Variants in BPHL observed in about 807,000 individuals in gnomAD.
The protein encoded by BPHL is biphenyl hydrolase like.
BPHL carries 27 observed loss-of-function variants against 31.2 expected under a neutral mutation model. The observed-to-expected ratio is 0.87, with a 90% CI of 0.64 to 1.19. The LOEUF (loss-of-function observed/expected upper bound fraction) is 1.19. Ranked by LOEUF, BPHL falls within the 50% of genes most tolerant of loss-of-function variation. The pLI, the probability that BPHL is intolerant of heterozygous loss-of-function variation, is 0.00. For missense variants in BPHL, 356 were observed against 375.7 expected (o/e 0.95, Z 0.43); for synonymous variants, 150 against 146.8 (o/e 1.02, Z -0.16).
chr6:3,151,622 T>C (rs776435049), intron 6 of BPHL, among the ~76,000 whole-genome samples: 2 of 152,234 alleles, frequency 1.3e-5, no homozygotes, highest in Admixed American at 1.3e-4. Context: ...TGCCCTAATA[T>C]TGTCCTTTTA....
At chr6:3,151,218 G>A (rs551201627) in intron 6 of BPHL, among the ~76,000 whole-genome samples, 1 of 152,070 alleles carries the variant, frequency 6.6e-6, no homozygotes, top group East Asian at 1.9e-4. Flanking sequence ...TTGGCAATTC[G>A]TTCTTTCCTG....
chr6:3,146,200 G>T lies in BPHL; in HGVS notation c.788+5691G>T, dbSNP rs865781476. On this transcript the variant is annotated intron_variant, in intron 6 of 6. Transcript: ENST00000380379. ...GTTCGGGGTGGAGTGCTGGTTCGGG[G>T]TGGAGTGCTGGTGTGGGTTGGAGTG... Among the ~76,000 whole-genome samples, 6 of 35,276 alleles carry T rather than the reference G, an allele frequency of 1.7e-4. 1 individual carries two copies. Among genetic ancestry groups the T allele is most frequent in the African/African-American group, 2.1e-4 (1 of 4,682 alleles). 23.1% of individuals were successfully genotyped at this position (35,276 alleles called of 152,430 possible).
At chr6:3,150,573 AG>A (rs1363776264) in intron 6 of BPHL, among the ~76,000 whole-genome samples, 1 of 152,212 alleles carries the variant, frequency 6.6e-6, no homozygotes, top group Non-Finnish European at 1.5e-5. Context: ...CCATGTGCTT[AG>A]CAGTTGGGGG....
At position 3,127,296 on chromosome 6, in the gene BPHL, T is replaced by C. The variant is rs1276530745; in HGVS notation, c.266T>C (p.Phe89Ser). Reference sequence around the variant, plus strand: ...CTCAAGAACCTCAATAAGAAGCTCTTCACGGTGGTCGCCTGGGATCCTCGA... The same window carrying C: ...CTCAAGAACCTCAATAAGAAGCTCTCCACGGTGGTCGCCTGGGATCCTCGA... The part of the protein sequence containing the change: ...PQLKNLNKKL[F>S]TVVAWDPRGY... Residue 89 changes from phenylalanine to serine, a missense_variant, in exon 3 of 7, where the codon TTC becomes TCC. Phe to Ser is a radical substitution (Grantham distance 155, BLOSUM62 -2). Transcript: ENST00000380379. 1.2e-6 allele frequency: 2 copies of C among 1,607,040 alleles called. No homozygotes were observed. Among genetic ancestry groups the C allele is most frequent in the African/African-American group, 2.7e-5 (2 of 74,626 alleles).
chr6:3,130,218 T>C (rs1296807696), intron 4 of BPHL, among the ~76,000 whole-genome samples: 1 of 152,214 alleles, frequency 6.6e-6, no homozygotes, highest in African/African-American at 2.4e-5. Flanking sequence ...TGGCTAGTGC[T>C]GTGAGTCACA....
intron 1 of BPHL, among the ~76,000 whole-genome samples, chr6:3,120,314 C>T (rs1013398675): frequency 2.6e-5 from 4 of 152,088 alleles, no homozygotes; most frequent in Non-Finnish European, 4.4e-5. Flanking sequence ...GGATTACAGG[C>T]GTGAGCCACC....
chr6:3,147,726 G>A (rs1320443180), intron 6 of BPHL, among the ~76,000 whole-genome samples: 1 of 152,164 alleles, frequency 6.6e-6, no homozygotes, highest in South Asian at 2.1e-4. Context: ...AAGTCCCAAG[G>A]TCTGCAGAGT....
At chr6:3,133,577 C>G (rs527394966) in intron 4 of BPHL, among the ~76,000 whole-genome samples, 171 of 152,234 alleles carry the variant, frequency 1.1e-3, no homozygotes, top group South Asian at 0.011. Flanking sequence ...TCCAGCCATC[C>G]GAGACCACCT....
In BPHL at chr6:3,127,318, T is replaced by G; in HGVS notation, c.288T>G (p.Pro96=). Reference sequence around the variant, plus strand: ...TCTTCACGGTGGTCGCCTGGGATCCTCGAGGCTATGGACATTCCAGGCCCC... The same window carrying G: ...TCTTCACGGTGGTCGCCTGGGATCCGCGAGGCTATGGACATTCCAGGCCCC... ...KKLFTVVAWD[P]RGYGHSRPPD... is the part of the protein sequence containing the mutation. The change falls in exon 3 of 7, where the codon CCT becomes CCG. Residue 96 remains proline (P), a synonymous_variant. Coordinates refer to ENST00000380379, the MANE Select transcript of BPHL (RefSeq NM_004332.4). 3.3e-6 allele frequency: 5 copies of G among 1,519,614 alleles called. No homozygotes were observed. The South Asian group carries it at 6.0e-5, about 18-fold the overall frequency. 94.1% of individuals were successfully genotyped at this position (1,519,614 alleles called of 1,614,324 possible).
At position 3,137,499 on chromosome 6, in the gene BPHL, T is replaced by C. The variant is rs1001825004; in HGVS notation, c.664+6T>C. On this transcript the variant is annotated splice_donor_region_variant and intron_variant, in intron 5 of 6. Transcript: ENST00000380379. ...GTTTAAACATCTCCCAGATGGTAGG[T>C]TACTGGGCTTGAAGGGCTCTCTGCC... is the stretch of plus-strand genomic sequence containing the variant. The C allele has an allele frequency of 3.7e-6, 6 of 1,613,630 alleles. No homozygotes were observed. In the African/African-American group the frequency reaches 8.0e-5, roughly 22 times the overall value.
rs777052963 is a variant in BPHL at position 3,140,338 on chromosome 6, G to A, written c.665-48G>A. The A allele has an allele frequency of 1.4e-5, 22 of 1,610,262 alleles. No individual in the cohort carries two copies. The highest frequency in any genetic ancestry group is 8.9e-5 in the East Asian group (4 of 44,704). On this transcript the variant is annotated intron_variant, in intron 5 of 6. Transcript: ENST00000380379. The surrounding 1 kb of genome is among the most constrained non-coding windows in gnomAD (Gnocchi z 5.2). Reference sequence around the variant, plus strand: ...GCCGAGTTTCGCCTCCTCTGACCGCGTAGAATGGTTGCACTAAAGCAGATT... The same window carrying A: ...GCCGAGTTTCGCCTCCTCTGACCGCATAGAATGGTTGCACTAAAGCAGATT...
chr6:3,129,156 G>C lies in BPHL; in HGVS notation c.490G>C (p.Ala164Pro), dbSNP rs553258757. 6 of 1,609,460 alleles carry C rather than the reference G, an allele frequency of 3.7e-6. No individual in the cohort carries two copies. In the Admixed American group the frequency reaches 8.4e-5, roughly 23 times the overall value. Residue 164 changes from alanine (A) to proline (P), a missense_variant, in exon 4 of 7, where the codon GCC (alanine) becomes CCC (proline). Physicochemically the swap from Ala to Pro is conservative, Grantham distance 27. Transcript: ENST00000380379. Reference sequence around the variant, plus strand: ...CATCCACAAGATGGTGATCTGGGGCGCCAACGCCTACGTCACTGACGAAGA... The same window carrying C: ...CATCCACAAGATGGTGATCTGGGGCCCCAACGCCTACGTCACTGACGAAGA... ...SYIHKMVIWG[A>P]NAYVTDEDSM...
chr6:3,144,846 A>G (rs1416130965), intron 6 of BPHL, among the ~76,000 whole-genome samples: 2 of 152,214 alleles, frequency 1.3e-5, no homozygotes, highest in Non-Finnish European at 2.9e-5. Flanking sequence ...ACAGAGGGCC[A>G]TGTCTCTGTG....
At chr6:3,131,117 A>G (rs940256315) in intron 4 of BPHL, among the ~76,000 whole-genome samples, 3 of 152,010 alleles carry the variant, frequency 2.0e-5, no homozygotes, top group East Asian at 1.9e-4. Flanking sequence ...TGCCACTCCT[A>G]CCTGTGGTTA....
chr6:3,138,228 C>T, intron 5 of BPHL: 1 of 309,496 alleles, frequency 3.2e-6, no homozygotes, highest in South Asian at 2.5e-5. Flanking sequence ...CCATGTTGGC[C>T]AGGATGGCCT....
At chr6:3,146,129 C>CGGAGTGCTGGTTCGGGTT (rs1762344087) in intron 6 of BPHL, among the ~76,000 whole-genome samples, 1 of 12,806 alleles carries the variant, frequency 7.8e-5, no homozygotes, top group Non-Finnish European at 1.4e-4. Context: ...TGGTTCGGGT[C>CGGAGTGCTGGTTCGGGTT]GGAGTGCTGG....
intron 4 of BPHL, among the ~76,000 whole-genome samples, chr6:3,130,238 C>T (rs1761836163): frequency 6.6e-6 from 1 of 152,198 alleles, no homozygotes; most frequent in South Asian, 2.1e-4. Flanking sequence ...AGAGACCAAG[C>T]TGGGGTGTCC....
At chr6:3,126,428 C>A (rs759770608) in intron 2 of BPHL, among the ~76,000 whole-genome samples, 1 of 152,102 alleles carries the variant, frequency 6.6e-6, no homozygotes, top group East Asian at 1.9e-4. Context: ...TTCATTAATT[C>A]TTTCCTTTAG....
chr6:3,124,722 A>G (rs1241241949), intron 2 of BPHL, among the ~76,000 whole-genome samples: 1 of 152,046 alleles, frequency 6.6e-6, no homozygotes, highest in Non-Finnish European at 1.5e-5. Flanking sequence ...TTTTCCCGAA[A>G]TATTTTTGTT....
Sources: allele counts gnomAD v4.1 joint callset (sites outside exome capture counted in the v4.1 genomes callset), GRCh38; gene constraint gnomAD v4.1.1; non-coding constraint Gnocchi (gnomAD v3.1); transcripts MANE v1.5; gene names NCBI Gene and HGNC (gene_info 2026-07-23, HGNC 2026-07-21).